PLXNA4: variants seen among roughly 807,000 people sequenced by gnomAD.
PLXNA4 encodes plexin-A4.
In PLXNA4, 44 loss-of-function variants were observed where a neutral mutation model predicts 191.8. That is an observed-to-expected ratio of 0.23 (90% confidence interval 0.18 to 0.29). PLXNA4 has a LOEUF of 0.29. Ranked by LOEUF, PLXNA4 falls within the 10% of genes least tolerant of loss-of-function variation. The probability of loss-of-function intolerance (pLI) is 1.00; values close to 1 mark genes in which losing one functional copy is unlikely to be tolerated. For synonymous variants in PLXNA4, 1,082 were observed against 1,009.5 expected (o/e 1.07, Z -1.36); for missense variants, 1,800 against 2,488.8 (o/e 0.72, Z 5.89).
At chr7:132,249,258 T>C (rs1306800149) in intron 4 of PLXNA4, among the ~76,000 whole-genome samples, 3 of 152,242 alleles carry the variant, frequency 2.0e-5, no homozygotes, top group Admixed American at 2.0e-4. Flanking sequence ...CACAAAATAC[T>C]ACCAATACAA....
At chr7:132,312,472 G>A (rs1368442039) in intron 3 of PLXNA4, among the ~76,000 whole-genome samples, 2 of 152,130 alleles carry the variant, frequency 1.3e-5, no homozygotes, top group East Asian at 3.9e-4. Flanking sequence ...GAACAAGAGA[G>A]TCAGGGGATG....
At chr7:132,533,748 C>G (rs1335836215) in intron 1 of PLXNA4, among the ~76,000 whole-genome samples, 2 of 152,130 alleles carry the variant, frequency 1.3e-5, no homozygotes, top group Non-Finnish European at 2.9e-5. Context: ...TGCCAGCACC[C>G]AGCCCTTCCT....
At chr7:132,599,938 G>T (rs1350341262) in intron 2 of PLXNA4, among the ~76,000 whole-genome samples, 2 of 152,038 alleles carry the variant, frequency 1.3e-5, no homozygotes, top group African/African-American at 4.8e-5. Flanking sequence ...TGAGATAATT[G>T]TATGAATATT....
intron 20 of PLXNA4, among the ~76,000 whole-genome samples, chr7:132,175,819 GC>G (rs551590466): frequency 1.4e-4 from 21 of 152,242 alleles, no homozygotes; most frequent in Non-Finnish European, 2.6e-4. Context: ...ATACGTGCAT[GC>G]ATGCACATGG....
In PLXNA4 at chr7:132,159,590, C is replaced by T. The variant is rs370684694; in HGVS notation, c.4543G>A (p.Val1515Ile). ...VSPDNANSPEVPVKILNCDTI... is the reference protein window; with the variant it reads ...VSPDNANSPEIPVKILNCDTI... ...TCACAGTTGAGGATCTTTACTGGGA[C>T]CTCGGGGCTGTTGGCATTGTCTGGG... The change falls in exon 25 of 32, where the codon GTC becomes ATC. Residue 1515 changes from valine (V) to isoleucine (I), a missense_variant. Transcript: ENST00000321063. 9 of 1,613,970 alleles carry T rather than the reference C, an allele frequency of 5.6e-6. No individual in the cohort carries two copies. In the African/African-American group the frequency reaches 1.2e-4, roughly 22 times the overall value.
chr7:132,298,762 C>T (rs1464823729), intron 3 of PLXNA4, among the ~76,000 whole-genome samples: 1 of 152,224 alleles, frequency 6.6e-6, no homozygotes, highest in African/African-American at 2.4e-5. Context: ...GAAATAGTGG[C>T]TTATACTTAT....
chr7:132,477,520 G>A (rs1054272568), intron 3 of PLXNA4, among the ~76,000 whole-genome samples: 9 of 152,174 alleles, frequency 5.9e-5, no homozygotes, highest in African/African-American at 1.4e-4. Flanking sequence ...AATAGCCTTC[G>A]TTATTGTTGT....
chr7:132,484,522 A>G (rs972014424), intron 3 of PLXNA4, among the ~76,000 whole-genome samples: 4 of 152,252 alleles, frequency 2.6e-5, no homozygotes, highest in South Asian at 2.1e-4. Flanking sequence ...TTTTCCTGTC[A>G]TGGAAATCGG....
At chr7:132,199,565 C>A (rs1412589319) in intron 12 of PLXNA4, among the ~76,000 whole-genome samples, 1 of 152,176 alleles carries the variant, frequency 6.6e-6, no homozygotes, top group Non-Finnish European at 1.5e-5. Context: ...GGGCATGCTT[C>A]CATTCCTGGT....
chr7:132,272,305 A>G (rs1800106955), intron 4 of PLXNA4, among the ~76,000 whole-genome samples: 1 of 152,232 alleles, frequency 6.6e-6, no homozygotes, highest in Non-Finnish European at 1.5e-5. Context: ...GGAGCTATTC[A>G]AATCATAGCT....
chr7:132,242,164 T>A (rs1226508347), intron 4 of PLXNA4, among the ~76,000 whole-genome samples: 1 of 151,370 alleles, frequency 6.6e-6, no homozygotes, highest in Non-Finnish European at 1.5e-5. Flanking sequence ...TTTTTTTTTT[T>A]AATTTTACAT....
At chr7:132,242,939 C>T (rs1435205029) in intron 4 of PLXNA4, among the ~76,000 whole-genome samples, 7 of 152,182 alleles carry the variant, frequency 4.6e-5, no homozygotes, top group Non-Finnish European at 1.0e-4. Flanking sequence ...ACATGCTAGT[C>T]ATGTAAGCAT....
intron 2 of PLXNA4, among the ~76,000 whole-genome samples, chr7:132,610,213 T>C (rs1049861646): frequency 9.2e-5 from 14 of 152,288 alleles, no homozygotes; most frequent in Admixed American, 2.6e-4. Context: ...TTACACAAGA[T>C]GGCAGGAGCC....
At chr7:132,383,919 C>T (rs1205110386) in intron 3 of PLXNA4, 6 of 985,288 alleles carry the variant, frequency 6.1e-6, no homozygotes, top group South Asian at 4.7e-5. Context: ...ACTCCTGGGA[C>T]GTATTTCTGA....
chr7:132,283,946 A>G lies in PLXNA4; in HGVS notation c.1503+14145T>C, dbSNP rs562180333. ...TCCCAGTGCTGTGGGAGGCCAAGGCAGGAGGATCACTTAAGCCCAGGAGGA... is the reference window on the plus strand; with the variant it reads ...TCCCAGTGCTGTGGGAGGCCAAGGCGGGAGGATCACTTAAGCCCAGGAGGA... On this transcript the variant is annotated intron_variant, in intron 4 of 31. Transcript: ENST00000321063. Among the ~76,000 whole-genome samples the G allele has an allele frequency of 2.6e-5, 4 of 152,360 alleles. No individual in the cohort carries two copies. The East Asian group carries it at 7.7e-4, about 29-fold the overall frequency.
intron 10 of PLXNA4, among the ~76,000 whole-genome samples, chr7:132,206,440 G>C (rs1374453019): frequency 6.2e-5 from 3 of 48,042 alleles, no homozygotes; most frequent in Non-Finnish European, 1.8e-4. Context: ...GTTTTCTGGT[G>C]TGTGTGTGTG....
At chr7:132,138,917 C>T (rs573950316) in intron 30 of PLXNA4, among the ~76,000 whole-genome samples, 31 of 152,342 alleles carry the variant, frequency 2.0e-4, no homozygotes, top group African/African-American at 5.8e-4. Context: ...TCCCCTTCCC[C>T]GCCTGGGGCA....
chr7:132,508,137 G>A lies in PLXNA4; in HGVS notation c.557C>T (p.Ala186Val), dbSNP rs1798557003. ...YSNLDDKLFI[A>V]TAVDGKPEYF... ...CTCGGGCTTCCCATCCACTGCCGTG[G>A]CAATGAACAGCTTGTCATCCAGGTT... The change falls in exon 2 of 32, where the codon GCC (alanine) becomes GTC (valine). Residue 186 changes from alanine to valine, a missense_variant. By Grantham distance (64) the Ala-to-Val change is moderately conservative (BLOSUM62 0). This residue lies in a region of PLXNA4 where 1,397 missense variants were observed against 1,880.4 expected (regional missense o/e 0.74). Transcript: ENST00000321063. This position sits in a 1 kb window ranked among gnomAD's most constrained non-coding sequence, Gnocchi z 4.4. The A allele has an allele frequency of 6.2e-7, 1 of 1,614,194 alleles. No individual in the cohort carries two copies. Among genetic ancestry groups the A allele is most frequent in the Non-Finnish European group, 8.5e-7 (1 of 1,180,044 alleles).
Position 132,146,562 on chromosome 7 carries a change from C to G in PLXNA4, c.5003G>C (p.Arg1668Pro). The G allele has an allele frequency of 6.2e-7, 1 of 1,614,136 alleles. No homozygotes were observed. The highest frequency in any genetic ancestry group is 1.6e-4 in the Middle Eastern group (1 of 6,062). Residue 1668 changes from arginine (R) to proline (P), a missense_variant, in exon 28 of 32, where the codon CGG (arginine) becomes CCG (proline). Physicochemically the swap from Arg to Pro is moderately radical, Grantham distance 103 (BLOSUM62 -2). Around this residue, in one of 6 missense-constraint regions of PLXNA4, gnomAD observed 214 missense variants for 298.2 expected, o/e 0.72. Transcript: ENST00000321063. ...GATTTCAGACACCATCTTGCTCCCCCGGTCCCCCTCCTTCTGGTCTCCGTG... is the reference window on the plus strand; with the variant it reads ...GATTTCAGACACCATCTTGCTCCCCGGGTCCCCCTCCTTCTGGTCTCCGTG... ...HEHGDQKEGD[R>P]GSKMVSEIYL... is the part of the protein sequence containing the mutation.
Sources: allele counts gnomAD v4.1 joint callset (sites outside exome capture counted in the v4.1 genomes callset), GRCh38; gene constraint gnomAD v4.1.1; regional missense constraint gnomAD v4.1.1; non-coding constraint Gnocchi (gnomAD v3.1); transcripts MANE v1.5; gene names NCBI Gene and HGNC (gene_info 2026-07-23, HGNC 2026-07-21).